The following ANK3 variants were observed in gnomAD, a reference collection of about 807,000 sequenced individuals.
The protein encoded by ANK3 is ankyrin 3.
ANK3 carries 57 observed loss-of-function variants against 370.9 expected under a neutral mutation model. The observed-to-expected ratio is 0.15, with a 90% confidence interval of 0.12 to 0.19. The LOEUF (loss-of-function observed/expected upper bound fraction) is 0.19, where lower values mean the gene tolerates loss of function less well. Among genes scored for constraint, ANK3 ranks in the 10% least tolerant of loss-of-function variants. The pLI is 1.00. For missense variants in ANK3, 4,439 were observed against 5,302.1 expected, an observed-to-expected ratio of 0.84 and a Z score of 5.06; for synonymous variants, 1,929 against 1,946.3, an observed-to-expected ratio of 0.99 and a Z score of 0.23.
rs1429950150 is a variant in ANK3, at chr10:60,070,274, G to A, written c.10607C>T (p.Ala3536Val). ...EEFATPFKTV[A>V]TKGLDFDPWS... The stretch of plus-strand genomic sequence containing the variant: ...AGGGTCAAAATCTAGACCTTTGGTA[G>A]CTACTGTTTTAAAAGGAGTGGCAAA... The change falls in exon 37 of 44, where the codon GCT becomes GTT. Residue 3536 changes from alanine (A) to valine (V), a missense_variant. This residue lies in a region of ANK3 where 1,601 missense variants were observed against 1,731.7 expected (regional missense o/e 0.92). Coordinates refer to ENST00000280772, the MANE Select transcript of ANK3 (RefSeq NM_020987.5). The surrounding 1 kb of genome is among the most constrained non-coding windows in gnomAD (Gnocchi z 5.7). 5 of 1,613,978 alleles carry A rather than the reference G, an allele frequency of 3.1e-6. No individual in the cohort carries two copies. In the Admixed American group the frequency reaches 5.0e-5, roughly 16 times the overall value.
intron 7 of ANK3, among the ~76,000 whole-genome samples, chr10:60,240,038 CAT>C (rs201408020): frequency 2.9e-5 from 4 of 136,004 alleles, no homozygotes; most frequent in East Asian, 2.0e-4. Flanking sequence ...TATATATACA[CAT>C]ATATATACAT....
intron 1 of ANK3, among the ~76,000 whole-genome samples, chr10:60,667,457 A>C (rs961904818): frequency 3.9e-5 from 6 of 152,160 alleles, no homozygotes; most frequent in Non-Finnish European, 8.8e-5. Context: ...AAACACAATG[A>C]TTCTTACCAC....
intron 2 of ANK3, among the ~76,000 whole-genome samples, chr10:60,432,488 T>C (rs1050194042): frequency 2.0e-5 from 3 of 152,204 alleles, no homozygotes; most frequent in Non-Finnish European, 4.4e-5. Context: ...GCAGAAGATC[T>C]CCTAACACAT....
At chr10:60,236,826 C>T (rs992654354) in intron 7 of ANK3, among the ~76,000 whole-genome samples, 6 of 152,296 alleles carry the variant, frequency 3.9e-5, no homozygotes, top group South Asian at 4.2e-4. Context: ...AAACTTTGTC[C>T]GCAAAGGGCC....
intron 7 of ANK3, among the ~76,000 whole-genome samples, chr10:60,255,247 T>C (rs1278621959): frequency 1.3e-5 from 2 of 152,244 alleles, no homozygotes; most frequent in African/African-American, 4.8e-5. Flanking sequence ...TTGATGTTTT[T>C]ACATTCATTG....
chr10:60,182,602 A>G (rs1315154510), intron 17 of ANK3, among the ~76,000 whole-genome samples: 3 of 152,316 alleles, frequency 2.0e-5, no homozygotes, highest in African/African-American at 4.8e-5. Flanking sequence ...TGTGCAATGA[A>G]AATATCAGCC....
At chr10:60,270,921 T>G (rs1364069377) in intron 4 of ANK3, among the ~76,000 whole-genome samples, 1 of 152,182 alleles carries the variant, frequency 6.6e-6, no homozygotes, top group Non-Finnish European at 1.5e-5. Context: ...AATACATATA[T>G]GGATACATAT....
At chr10:60,711,208 A>G (rs550031106) in intron 1 of ANK3, among the ~76,000 whole-genome samples, 1 of 152,330 alleles carries the variant, frequency 6.6e-6, no homozygotes, top group African/African-American at 2.4e-5. Context: ...TCAAATGGAA[A>G]TGTTAAAAAT....
At chr10:60,183,194 A>T (rs1412643316) in intron 17 of ANK3, among the ~76,000 whole-genome samples, 1 of 152,180 alleles carries the variant, frequency 6.6e-6, no homozygotes, top group African/African-American at 2.4e-5. Flanking sequence ...TATTACATTT[A>T]TGTGCAAACC....
At position 60,500,593 on chromosome 10, in the gene ANK3, C is replaced by G. The variant is rs543817655; in HGVS notation, c.96+114593G>C. ...AAAATACAGTGAGGTTTTGAGATAA[C>G]AAAGCCACCCTAGAACAATGATTCT... On this transcript the variant is annotated intron_variant, in intron 2 of 43. Transcript: ENST00000373827. Among the ~76,000 whole-genome samples the G allele has an allele frequency of 3.9e-5, 6 of 152,254 alleles. No homozygotes were observed. The South Asian group carries it at 1.2e-3, about 32-fold the overall frequency.
chr10:60,213,433 G>T lies in ANK3; in HGVS notation c.975C>A (p.Ala325=). The change falls in exon 9 of 44, where the codon GCC becomes GCA. Residue 325 remains alanine (A), a synonymous_variant. Coordinates refer to ENST00000280772, the MANE Select transcript of ANK3 (RefSeq NM_020987.5). ...TTACCTTGGTTTTTGAAAGAATGGG[G>T]GCAGCTCGATCAAGCAACATTTCTA... ...QVVEMLLDRA[A]PILSKTKNGL... is the part of the protein sequence containing the mutation. 1 of 1,612,286 alleles carries T rather than the reference G, an allele frequency of 6.2e-7. No individual in the cohort carries two copies. The highest frequency in any genetic ancestry group is 8.5e-7 in the Non-Finnish European group (1 of 1,179,022).
intron 2 of ANK3, among the ~76,000 whole-genome samples, chr10:60,485,577 A>T (rs1239278713): frequency 6.6e-6 from 1 of 152,210 alleles, no homozygotes; most frequent in Non-Finnish European, 1.5e-5. Flanking sequence ...CTGGTAAATC[A>T]GCCAAGCACA....
intron 8 of ANK3, among the ~76,000 whole-genome samples, chr10:60,226,540 A>AT (rs1384450074): frequency 3.6e-5 from 3 of 83,226 alleles, no homozygotes; most frequent in East Asian, 5.9e-4. Flanking sequence ...ATATATACAT[A>AT]GTATATATAC....
At chr10:60,250,094 A>G (rs772753814) in intron 7 of ANK3, among the ~76,000 whole-genome samples, 2 of 152,246 alleles carry the variant, frequency 1.3e-5, no homozygotes, top group Admixed American at 6.5e-5. Context: ...ACACAAAAAT[A>G]ATTGTTACAA....
chr10:60,138,334 C>A (rs1461895946), intron 24 of ANK3, among the ~76,000 whole-genome samples: 2 of 152,176 alleles, frequency 1.3e-5, no homozygotes, highest in African/African-American at 4.8e-5. Flanking sequence ...AAGTTTGAGT[C>A]AAGGTTTTCC....
At chr10:60,098,892 T>C (rs1030943413) in intron 28 of ANK3, among the ~76,000 whole-genome samples, 8 of 152,238 alleles carry the variant, frequency 5.3e-5, no homozygotes, top group African/African-American at 1.7e-4. Flanking sequence ...TGATGCAGAA[T>C]GTCTGGAAAC....
At chr10:60,358,439 C>T (rs952394626) in intron 1 of ANK3, among the ~76,000 whole-genome samples, 1 of 152,124 alleles carries the variant, frequency 6.6e-6, no homozygotes, top group Non-Finnish European at 1.5e-5. Context: ...CTGGTCTTTC[C>T]CCTGCCTCAC....
At chr10:60,704,851 CA>C (rs960998758) in intron 1 of ANK3, among the ~76,000 whole-genome samples, 1 of 152,112 alleles carries the variant, frequency 6.6e-6, no homozygotes, top group African/African-American at 2.4e-5. Context: ...TAGGTGCAAA[CA>C]ACTGAAAAAT....
intron 2 of ANK3, among the ~76,000 whole-genome samples, chr10:60,588,313 C>T (rs936263391): frequency 3.5e-5 from 4 of 112,770 alleles, no homozygotes; most frequent in African/African-American, 6.0e-5. Flanking sequence ...GCCTCCCAAC[C>T]GGCTGGCATT....
Sources: allele counts gnomAD v4.1 joint callset (sites outside exome capture counted in the v4.1 genomes callset), GRCh38; gene constraint gnomAD v4.1.1; regional missense constraint gnomAD v4.1.1; non-coding constraint Gnocchi (gnomAD v3.1); transcripts MANE v1.5; gene names NCBI Gene and HGNC (gene_info 2026-07-23, HGNC 2026-07-21).